NPAS1: variants seen among roughly 807,000 people sequenced by gnomAD.
The protein encoded by NPAS1 is neuronal PAS domain-containing protein 1.
NPAS1 carries 29 observed loss-of-function variants against 49.2 expected under a neutral mutation model. The ratio of observed to expected loss-of-function variants is 0.59; its 90% CI spans 0.44 to 0.80. The LOEUF is 0.80. NPAS1 is among the 30% of genes least tolerant of loss of function. The probability of loss-of-function intolerance (pLI) is 0.00; values close to 1 mark genes in which losing one functional copy is unlikely to be tolerated. For missense variants in NPAS1, 825 were observed against 835.5 expected (o/e 0.99, Z 0.15); for synonymous variants, 408 against 380.4 (o/e 1.07, Z -0.84).
At chr19:47,027,871 A>G (rs1210865990) in intron 3 of NPAS1, among the ~76,000 whole-genome samples, 1 of 152,160 alleles carries the variant, frequency 6.6e-6, no homozygotes, top group Non-Finnish European at 1.5e-5. Flanking sequence ...GAAGTGGTGA[A>G]AAGTCTCCTG....
intron 3 of NPAS1, among the ~76,000 whole-genome samples, chr19:47,027,733 C>T (rs1424300244): frequency 6.6e-6 from 1 of 151,556 alleles, no homozygotes; most frequent in Admixed American, 6.6e-5. Context: ...TCTCCCGTCT[C>T]TCTGCTCCTC....
At chr19:47,044,750 C>T (rs2057056470) in intron 11 of NPAS1, among the ~76,000 whole-genome samples, 1 of 152,202 alleles carries the variant, frequency 6.6e-6, no homozygotes, top group African/African-American at 2.4e-5. Context: ...AACCAGCTGG[C>T]CGGGCACAGT....
rs1031547664 is a variant in NPAS1 at position 47,045,431 on chromosome 19, A to G, written c.1553A>G (p.Asp518Gly). ...CCATGGGGCCTGGCGCCTCCCGGGG[A>G]CCCCCCGCCCACCCTCCTGCACGCG... ...VRPWGLAPPG[D>G]PPPTLLHAGF... The change falls in exon 12 of 12, where the codon GAC (aspartate) becomes GGC (glycine). Residue 518 changes from aspartate (D) to glycine (G), a missense_variant. Transcript: ENST00000602212. 1 of 1,602,888 alleles carries G rather than the reference A, an allele frequency of 6.2e-7. No individual in the cohort carries two copies. Among genetic ancestry groups the G allele is most frequent in the South Asian group, 1.1e-5 (1 of 90,110 alleles).
chr19:47,037,699 C>G (rs2122519864), intron 6 of NPAS1, among the ~76,000 whole-genome samples: 1 of 152,234 alleles, frequency 6.6e-6, no homozygotes, highest in East Asian at 1.9e-4. Flanking sequence ...TGCTTAACAC[C>G]AAAAACATCT....
chr19:47,021,578 C>A lies in NPAS1; in HGVS notation c.123-34C>A. Reference sequence around the variant, plus strand: ...GTTCCCAAGCCCCTGAGCCCCGGGGCCCCGCCGACACCTCCTCCGCGCCGC... The same window carrying A: ...GTTCCCAAGCCCCTGAGCCCCGGGGACCCGCCGACACCTCCTCCGCGCCGC... On this transcript the variant is annotated intron_variant, in intron 2 of 11. Transcript: ENST00000602212. The surrounding 1 kb of genome is among the most constrained non-coding windows in gnomAD (Gnocchi z 5.7). 7.2e-7 allele frequency: 1 copy of A among 1,394,494 alleles called. No homozygotes were observed. The highest frequency in any genetic ancestry group is 2.7e-5 in the Admixed American group (1 of 36,462). The allele number at this position is 1,394,494 out of a possible 1,614,324, so 86.4% of individuals were successfully genotyped here.
chr19:47,045,338 C>A lies in NPAS1; in HGVS notation c.1460C>A (p.Pro487Gln). 6.2e-7 allele frequency: 1 copy of A among 1,613,830 alleles called. No individual in the cohort carries two copies. Among genetic ancestry groups the A allele is most frequent in the East Asian group, 2.2e-5 (1 of 44,866 alleles). ...DSGDEDPSSH[P>Q]ATPRPEFTSV... is the part of the protein sequence containing the mutation. Reference sequence around the variant, plus strand: ...GGCGACGAGGATCCCTCCAGCCACCCGGCCACACCGAGGCCCGAGTTCACC... The same window carrying A: ...GGCGACGAGGATCCCTCCAGCCACCAGGCCACACCGAGGCCCGAGTTCACC... The change falls in exon 12 of 12, where the codon CCG becomes CAG. Residue 487 changes from proline to glutamine, a missense_variant. By Grantham distance (76) the Pro-to-Gln change is moderately conservative. Transcript: ENST00000602212.
intron 5 of NPAS1, 35 bp downstream of exon 5, chr19:47,032,767 C>A: frequency 6.8e-7 from 1 of 1,474,712 alleles, no homozygotes; most frequent in Non-Finnish European, 9.5e-7. Flanking sequence ...ATTGGCTCAG[C>A]CACCATCTCC....
intron 11 of NPAS1, among the ~76,000 whole-genome samples, chr19:47,043,384 T>C (rs576569719): frequency 6.6e-6 from 1 of 150,834 alleles, no homozygotes; most frequent in African/African-American, 2.4e-5. Context: ...GGTCAGGAGA[T>C]GGAGACCATC....
chr19:47,026,394 AG>A (rs1364720270), intron 3 of NPAS1, among the ~76,000 whole-genome samples: 1 of 152,146 alleles, frequency 6.6e-6, no homozygotes, highest in Non-Finnish European at 1.5e-5. Flanking sequence ...GCACTGTGGT[AG>A]GGGTTTGGCT....
intron 8 of NPAS1, among the ~76,000 whole-genome samples, chr19:47,039,894 G>A (rs2057000791): frequency 7.0e-6 from 1 of 143,222 alleles, no homozygotes; most frequent in Admixed American, 6.9e-5. Context: ...TTCCTCTCCT[G>A]CATCCCGCAG....
At chr19:47,037,493 T>G (rs1039830440) in intron 6 of NPAS1, among the ~76,000 whole-genome samples, 1 of 151,826 alleles carries the variant, frequency 6.6e-6, no homozygotes, top group Non-Finnish European at 1.5e-5. Context: ...CTATAAGTGA[T>G]TGAGTTGGAT....
chr19:47,039,329 G>A, intron 7 of NPAS1, 78 bp from the exon 8 acceptor site: 4 of 1,582,470 alleles, frequency 2.5e-6, no homozygotes, highest in Non-Finnish European at 3.4e-6. Context: ...GGGGACAGAG[G>A]GAACCCAGCC....
Position 47,039,058 on chromosome 19 carries a change from C to T in NPAS1, c.711C>T (p.Pro237=). 2 of 1,614,148 alleles carry T rather than the reference C, an allele frequency of 1.2e-6. No individual in the cohort carries two copies. The highest frequency in any genetic ancestry group is 1.7e-6 in the Non-Finnish European group (2 of 1,180,022). ...CAGAGGCCAGCCTCACCAAGGTGCC[C>T]CCCTCCTCCCTGGTCCAGGAGCGCT... The part of the protein sequence containing the change: ...PEIEASLTKV[P]PSSLVQERSF... Residue 237 remains proline (P), a synonymous_variant, in exon 7 of 12, where the codon CCC becomes CCT. Transcript: ENST00000602212.
chr19:47,020,514 T>C (rs114640317), intron 1 of NPAS1, among the ~76,000 whole-genome samples: 3,407 of 151,520 alleles, frequency 0.022, 127 homozygotes, highest in African/African-American at 0.077. Flanking sequence ...CCCTGCCCTC[T>C]GCCCCCTGCC....
At chr19:47,040,401 C>T (rs1261855028) in intron 8 of NPAS1, 43 bp from the exon 9 acceptor site, 1 of 1,373,814 alleles carries the variant, frequency 7.3e-7, no homozygotes, top group South Asian at 1.3e-5. Flanking sequence ...CTCCCCCAAC[C>T]CCGTGGTCTT....
chr19:47,042,349 T>C (rs577597716), intron 10 of NPAS1, among the ~76,000 whole-genome samples: 1 of 152,042 alleles, frequency 6.6e-6, no homozygotes, highest in Non-Finnish European at 1.5e-5. Flanking sequence ...CTAGCTGCCA[T>C]GAAGGAGGCA....
In NPAS1 at chr19:47,019,893, C is replaced by T. The variant is rs919006050; in HGVS notation, c.-147C>T. ...AGCCCGCGCGTCCCGCTGCGCCCCG[C>T]GCGCCCCGGGGTCTATGGAGCTGCC... is the stretch of plus-strand genomic sequence containing the variant. On this transcript the variant is annotated 5_prime_UTR_variant, in exon 1 of 12. Coordinates refer to ENST00000602212, the MANE Select transcript of NPAS1 (RefSeq NM_002517.4). 3 of 364,212 alleles carry T rather than the reference C, an allele frequency of 8.2e-6. No homozygotes were observed. The highest frequency in any genetic ancestry group is 4.7e-5 in the Admixed American group (1 of 21,474). 22.6% of individuals were successfully genotyped at this position (364,212 alleles called of 1,614,324 possible). A position where few individuals can be genotyped will look rare whatever the true frequency, so the allele number is the denominator to read the frequency against.
In NPAS1 at chr19:47,045,241, G is replaced by A. The variant is rs2057063959; in HGVS notation, c.1363G>A (p.Ala455Thr). 1.2e-6 allele frequency: 2 copies of A among 1,613,752 alleles called. No individual in the cohort carries two copies. Among genetic ancestry groups the A allele is most frequent in the Non-Finnish European group, 1.7e-6 (2 of 1,179,970 alleles). The change falls in exon 12 of 12, where the codon GCC becomes ACC. Residue 455 changes from alanine to threonine, a missense_variant. Coordinates refer to ENST00000602212, the MANE Select transcript of NPAS1 (RefSeq NM_002517.4). ...GKQAAPAENE[A>T]PQTQGKRIKV... Reference sequence around the variant, plus strand: ...GCAGGCTGCCCCAGCGGAGAACGAGGCCCCCCAGACCCAGGGCAAACGCAT... The same window carrying A: ...GCAGGCTGCCCCAGCGGAGAACGAGACCCCCCAGACCCAGGGCAAACGCAT...
chr19:47,027,431 C>T (rs1201264959), intron 3 of NPAS1, among the ~76,000 whole-genome samples: 2 of 138,168 alleles, frequency 1.4e-5, no homozygotes, highest in Non-Finnish European at 3.1e-5. Flanking sequence ...CCTCTCTCTG[C>T]GCCTGGTCTC....
Sources: gnomAD v4.1 joint callset for allele counts (sites outside exome capture counted in the v4.1 genomes callset) on GRCh38, gnomAD v4.1.1 for gene constraint, Gnocchi (gnomAD v3.1) non-coding constraint, MANE v1.5 for transcripts, NCBI Gene and HGNC (gene_info 2026-07-23, HGNC 2026-07-21) for gene names.